PTPN9: variants seen among roughly 807,000 people sequenced by gnomAD.
PTPN9 encodes protein tyrosine phosphatase non-receptor type 9.
PTPN9 carries 26 observed loss-of-function variants against 69.8 expected under a neutral mutation model. That is an observed-to-expected ratio of 0.37 (90% CI 0.27 to 0.52). The LOEUF is 0.52. Among genes scored for constraint, PTPN9 ranks in the 20% least tolerant of loss-of-function variants. PTPN9 has a pLI of 0.91. For missense variants in PTPN9, 549 were observed against 740.3 expected (o/e 0.74, Z 3.00); for synonymous variants, 274 against 272.5 (o/e 1.01, Z -0.05).
At position 75,485,354 on chromosome 15, in the gene PTPN9, CTTTTTTT is replaced by C. The variant is rs891447336; in HGVS notation, c.1062+4847_1062+4853del. Among the ~76,000 whole-genome samples the C allele has an allele frequency of 7.6e-5, 6 of 78,764 alleles. No homozygotes were observed. In the East Asian group the frequency reaches 1.1e-3, roughly 14 times the overall value. 51.7% of individuals were successfully genotyped at this position (78,764 alleles called of 152,430 possible). A position where few individuals can be genotyped will look rare whatever the true frequency, so the allele number is the denominator to read the frequency against. ...CATGCTTTGAAAAGAATTGTCACTT[CTTTTTTT>C]TTTTTTTTTTTTTTTTTTGAGACGG... On this transcript the variant is annotated intron_variant, in intron 8 of 12. Coordinates refer to ENST00000618819, the MANE Select transcript of PTPN9 (RefSeq NM_002833.4).
rs146096207 is a variant in PTPN9 at position 75,533,336 on chromosome 15, G to A, written c.64-6075C>T. Among the ~76,000 whole-genome samples the A allele has an allele frequency of 2.7e-3, 409 of 152,308 alleles. 2 individuals carry two copies. Among genetic ancestry groups the A allele is most frequent in the African/African-American group, 9.3e-3 (385 of 41,560 alleles). On this transcript the variant is annotated intron_variant, in intron 1 of 12. Transcript: ENST00000618819. ...TGGAGTGGAGCAATCATGGCTCACT[G>A]CAGCCTCGACCTCCTGGGCTCAATT... is the stretch of plus-strand genomic sequence containing the variant.
chr15:75,575,645 C>T (rs2075168563), intron 1 of PTPN9, among the ~76,000 whole-genome samples: 2 of 152,224 alleles, frequency 1.3e-5, no homozygotes, highest in African/African-American at 2.4e-5. Context: ...CTTGGCTGGG[C>T]GCGGTGGTTC....
Position 75,469,832 on chromosome 15 carries a change from TG to T in PTPN9, c.1526del (p.Pro509HisfsTer42), listed in dbSNP as rs770611230. ...GARSKGQCPE[P>X]PIVVHCSAGI... is the part of the protein sequence containing the mutation. The stretch of plus-strand genomic sequence containing the variant: ...CTGCACTGCAATGGACCACAATGGG[TG>T]GCTCAGGGCACTGCCCTTTGGAGCG... On this transcript the variant is annotated frameshift_variant, in exon 12 of 13. Coordinates refer to ENST00000618819, the MANE Select transcript of PTPN9 (RefSeq NM_002833.4). LOFTEE classifies it high-confidence loss of function. 6.2e-7 allele frequency: 1 copy of T among 1,613,526 alleles called. No homozygotes were observed. The highest frequency in any genetic ancestry group is 1.1e-5 in the South Asian group (1 of 91,042).
At chr15:75,490,094 A>T in intron 8 of PTPN9, 114 bp downstream of exon 8, 1 of 864,486 alleles carries the variant, frequency 1.2e-6, no homozygotes, top group South Asian at 1.5e-5. Flanking sequence ...ACTCAAACCT[A>T]ATCTCTCTGG....
chr15:75,567,617 A>G (rs2075131818), intron 1 of PTPN9, among the ~76,000 whole-genome samples: 1 of 152,210 alleles, frequency 6.6e-6, no homozygotes, highest in African/African-American at 2.4e-5. Context: ...GAAAAAAGTG[A>G]CAAGTACTGT....
chr15:75,553,435 C>T (rs139212501), intron 1 of PTPN9, among the ~76,000 whole-genome samples: 367 of 152,188 alleles, frequency 2.4e-3, no homozygotes, highest in South Asian at 4.1e-3. Flanking sequence ...AGAGGGTCAC[C>T]GGCAAATTAG....
At chr15:75,558,138 G>C (rs2075085500) in intron 1 of PTPN9, among the ~76,000 whole-genome samples, 1 of 152,154 alleles carries the variant, frequency 6.6e-6, no homozygotes, top group African/African-American at 2.4e-5. Flanking sequence ...GACCATCCTG[G>C]CCAACATGGT....
intron 4 of PTPN9, among the ~76,000 whole-genome samples, chr15:75,520,675 T>C (rs1190107322): frequency 1.3e-5 from 2 of 151,966 alleles, no homozygotes; most frequent in Non-Finnish European, 2.9e-5. Flanking sequence ...CCACCACGCC[T>C]GGCTAATTTT....
At chr15:75,514,794 A>G (rs2074861178) in intron 5 of PTPN9, among the ~76,000 whole-genome samples, 1 of 152,212 alleles carries the variant, frequency 6.6e-6, no homozygotes, top group African/African-American at 2.4e-5. Flanking sequence ...GCTAACGAAT[A>G]TATGAAGATA....
At chr15:75,540,380 C>G (rs2075002860) in intron 1 of PTPN9, among the ~76,000 whole-genome samples, 1 of 151,952 alleles carries the variant, frequency 6.6e-6, no homozygotes, top group African/African-American at 2.4e-5. Flanking sequence ...TGGCAAAACT[C>G]TGTCTCTACT....
At position 75,527,332 on chromosome 15, in the gene PTPN9, T is replaced by C. The variant is rs903219423; in HGVS notation, c.64-71A>G. 6.5e-6 allele frequency: 10 copies of C among 1,549,926 alleles called. No homozygotes were observed. In the African/African-American group the frequency reaches 1.4e-4, roughly 21 times the overall value. On this transcript the variant is annotated intron_variant, in intron 1 of 12. Transcript: ENST00000618819. ...TTTATGGAGTCAAAAAACAAACAAGTGAAAACTATCATCCCTTCTCCAAGC... is the reference window on the plus strand; with the variant it reads ...TTTATGGAGTCAAAAAACAAACAAGCGAAAACTATCATCCCTTCTCCAAGC...
intron 10 of PTPN9, among the ~76,000 whole-genome samples, chr15:75,472,247 C>A (rs920332476): frequency 6.7e-6 from 1 of 150,194 alleles, no homozygotes; most frequent in African/African-American, 2.5e-5. Context: ...ATCACGAGGT[C>A]AGGAGATCGA....
intron 1 of PTPN9, among the ~76,000 whole-genome samples, chr15:75,571,653 T>C (rs903447141): frequency 6.6e-6 from 1 of 151,930 alleles, no homozygotes; most frequent in Non-Finnish European, 1.5e-5. Context: ...TCCCAGCACT[T>C]TGGGAGGCAG....
intron 5 of PTPN9, chr15:75,512,911 T>C (rs1401154661): frequency 2.7e-6 from 1 of 364,972 alleles, no homozygotes. Context: ...CATGTTCTTA[T>C]AGATACATCT....
intron 1 of PTPN9, among the ~76,000 whole-genome samples, chr15:75,537,443 TAA>T (rs71140168): frequency 1.3e-3 from 27 of 20,342 alleles, no homozygotes; most frequent in African/African-American, 4.2e-3. Flanking sequence ...ATATCTTCCC[TAA>T]AAAAAAAAAA....
chr15:75,504,321 G>A (rs1195257203), intron 7 of PTPN9, among the ~76,000 whole-genome samples: 12 of 119,372 alleles, frequency 1.0e-4, no homozygotes, highest in Admixed American at 2.4e-4. Context: ...CTGCCCAGCC[G>A]CCCCTACTGG....
At chr15:75,556,842 A>G (rs2075080026) in intron 1 of PTPN9, among the ~76,000 whole-genome samples, 1 of 152,178 alleles carries the variant, frequency 6.6e-6, no homozygotes, top group South Asian at 2.1e-4. Flanking sequence ...TGTACCCATT[A>G]AACAATAATT....
intron 8 of PTPN9, among the ~76,000 whole-genome samples, chr15:75,487,127 A>G (rs1464755344): frequency 2.0e-5 from 3 of 152,162 alleles, no homozygotes; most frequent in South Asian, 2.1e-4. Context: ...TGTCTCTGCA[A>G]TCCATACATA....
rs1414535778 is a variant in PTPN9, at chr15:75,470,057, C to T, written c.1360-58G>A. 6 of 1,475,132 alleles carry T rather than the reference C, an allele frequency of 4.1e-6. No individual in the cohort carries two copies. The African/African-American group carries it at 8.4e-5, about 21-fold the overall frequency. The allele number at this position is 1,475,132 out of a possible 1,614,324, so 91.4% of individuals were successfully genotyped here. A position where few individuals can be genotyped will look rare whatever the true frequency, so the allele number is the denominator to read the frequency against. ...GTTATTTCTGCCTGCCCCTAGCTACCTCTGGCTTTTCCAGATTCTCAACAC... is the reference window on the plus strand; with the variant it reads ...GTTATTTCTGCCTGCCCCTAGCTACTTCTGGCTTTTCCAGATTCTCAACAC... On this transcript the variant is annotated intron_variant, in intron 11 of 12. Transcript: ENST00000618819.
Sources: gnomAD v4.1 joint callset for allele counts (sites outside exome capture counted in the v4.1 genomes callset) on GRCh38, gnomAD v4.1.1 for gene constraint, MANE v1.5 for transcripts, NCBI Gene and HGNC (gene_info 2026-07-23, HGNC 2026-07-21) for gene names.